Variants in MTHFD1L observed in about 807,000 individuals in gnomAD.
MTHFD1L encodes methylenetetrahydrofolate dehydrogenase (NADP+ dependent) 1 like.
MTHFD1L carries 81 observed loss-of-function variants against 119.5 expected under a neutral mutation model. That is an observed-to-expected ratio of 0.68 (90% CI 0.57 to 0.82). MTHFD1L has a LOEUF of 0.82. Ranked by LOEUF, MTHFD1L falls within the 40% of genes least tolerant of loss-of-function variation. The probability of loss-of-function intolerance (pLI) is 0.00; values close to 1 mark genes in which losing one functional copy is unlikely to be tolerated. For missense variants in MTHFD1L, 1,125 were observed against 1,253.4 expected, an observed-to-expected ratio of 0.90 and a Z score of 1.55; for synonymous variants, 430 against 475.2, an observed-to-expected ratio of 0.90 and a Z score of 1.24.
chr6:151,011,024 T>C (rs889711118), intron 21 of MTHFD1L, among the ~76,000 whole-genome samples: 1 of 152,182 alleles, frequency 6.6e-6, no homozygotes, highest in Non-Finnish European at 1.5e-5. Context: ...ATATGGACAA[T>C]GTCAGCAGGC....
intron 26 of MTHFD1L, among the ~76,000 whole-genome samples, chr6:151,058,229 C>T (rs1790214025): frequency 6.6e-6 from 1 of 152,196 alleles, no homozygotes; most frequent in Admixed American, 6.5e-5. Flanking sequence ...AGCTTCTCAA[C>T]AGAGAGATAA....
At chr6:151,053,753 G>C (rs1789443531) in intron 26 of MTHFD1L, among the ~76,000 whole-genome samples, 1 of 151,802 alleles carries the variant, frequency 6.6e-6, no homozygotes, top group African/African-American at 2.4e-5. Flanking sequence ...CCAGCTACTA[G>C]GGAGGCTGAG....
intron 24 of MTHFD1L, among the ~76,000 whole-genome samples, chr6:151,020,646 G>A (rs755818493): frequency 4.6e-5 from 7 of 152,180 alleles, no homozygotes; most frequent in Non-Finnish European, 1.0e-4. Context: ...TTTATTGTGT[G>A]AAAATGAATG....
chr6:151,024,274 T>G (rs911871994), intron 24 of MTHFD1L, among the ~76,000 whole-genome samples: 4 of 152,166 alleles, frequency 2.6e-5, no homozygotes, highest in African/African-American at 7.2e-5. Flanking sequence ...GCGCGGCGGC[T>G]CATGCCTGTA....
chr6:150,939,269 G>A (rs1792668269), intron 13 of MTHFD1L: 1 of 154,526 alleles, frequency 6.5e-6, no homozygotes, highest in South Asian at 2.0e-4. Context: ...GACACAGAGA[G>A]GATTAGCATG....
chr6:150,980,337 G>A (rs888617247), intron 20 of MTHFD1L, among the ~76,000 whole-genome samples: 6 of 152,062 alleles, frequency 3.9e-5, no homozygotes, highest in Admixed American at 3.9e-4. Context: ...AAGCTCATTC[G>A]TCCCCTCGCT....
At chr6:151,054,180 G>A (rs904389985) in intron 26 of MTHFD1L, among the ~76,000 whole-genome samples, 4 of 151,966 alleles carry the variant, frequency 2.6e-5, no homozygotes, top group Non-Finnish European at 5.9e-5. Context: ...GGCATAAATT[G>A]GAAACTTATA....
intron 13 of MTHFD1L, among the ~76,000 whole-genome samples, chr6:150,941,769 A>C (rs1793164392): frequency 6.6e-6 from 1 of 151,982 alleles, no homozygotes; most frequent in African/African-American, 2.4e-5. Flanking sequence ...GGTGTGGTGG[A>C]GGGTGGTAGT....
intron 19 of MTHFD1L, among the ~76,000 whole-genome samples, chr6:150,966,630 C>G (rs1797256477): frequency 6.6e-6 from 1 of 152,146 alleles, no homozygotes; most frequent in African/African-American, 2.4e-5. Context: ...TCGAGACCAG[C>G]CTGGCCAACA....
At chr6:150,866,134 A>AGCGGGGC in intron 1 of MTHFD1L, 85 bp downstream of exon 1, 1 of 1,430,014 alleles carries the variant, frequency 7.0e-7, no homozygotes, top group African/African-American at 1.5e-5. Flanking sequence ...CGCCGTGGGG[A>AGCGGGGC]GCGGGGCGCG....
intron 6 of MTHFD1L, 81 bp from the exon 7 acceptor site, chr6:150,887,764 G>T: frequency 7.0e-7 from 1 of 1,436,806 alleles, no homozygotes; most frequent in East Asian, 2.5e-5. Context: ...GCCTAAAAGG[G>T]TCTTTTTTTC....
intron 20 of MTHFD1L, among the ~76,000 whole-genome samples, chr6:150,996,792 AC>A: frequency 6.8e-6 from 1 of 147,504 alleles, no homozygotes; most frequent in Non-Finnish European, 1.5e-5. Flanking sequence ...TTGCCTATGG[AC>A]CCCTGAAAGT....
chr6:151,064,602 C>T (rs951346343), intron 26 of MTHFD1L, among the ~76,000 whole-genome samples: 8 of 152,066 alleles, frequency 5.3e-5, no homozygotes, highest in South Asian at 2.1e-4. Flanking sequence ...CATGAGCCGC[C>T]GTGCCCAGCC....
chr6:151,084,130 A>G (rs1239782509), intron 26 of MTHFD1L, among the ~76,000 whole-genome samples: 2 of 152,248 alleles, frequency 1.3e-5, no homozygotes, highest in Non-Finnish European at 1.5e-5. Context: ...TGCCTCCCTC[A>G]GAAGTGTCAC....
chr6:151,080,126 C>T (rs574748287), intron 26 of MTHFD1L, among the ~76,000 whole-genome samples: 9 of 151,968 alleles, frequency 5.9e-5, no homozygotes, highest in African/African-American at 1.7e-4. Flanking sequence ...TTCAGTGAGC[C>T]GAGATTGCGC....
intron 24 of MTHFD1L, among the ~76,000 whole-genome samples, chr6:151,029,210 C>T (rs1784996654): frequency 6.6e-6 from 1 of 151,572 alleles, no homozygotes; most frequent in Non-Finnish European, 1.5e-5. Flanking sequence ...CACCTGAGGT[C>T]AGGAGTTCAA....
chr6:150,917,241 A>G (rs1410746629), intron 8 of MTHFD1L, among the ~76,000 whole-genome samples: 1 of 152,012 alleles, frequency 6.6e-6, no homozygotes, highest in Non-Finnish European at 1.5e-5. Flanking sequence ...AGAGCTTTCT[A>G]GGCCAGGCAT....
intron 7 of MTHFD1L, among the ~76,000 whole-genome samples, chr6:150,892,634 T>TA (rs1783508107): frequency 1.3e-5 from 2 of 152,190 alleles, no homozygotes; most frequent in African/African-American, 2.4e-5. Context: ...TGTCCCCCTC[T>TA]ACCTGGCCTA....
chr6:150,926,038 C>A lies in MTHFD1L; in HGVS notation c.1083-84C>A. The A allele has an allele frequency of 1.7e-6, 2 of 1,178,806 alleles. No individual in the cohort carries two copies. Among genetic ancestry groups the A allele is most frequent in the East Asian group, 2.4e-5 (1 of 40,910 alleles). The allele number at this position is 1,178,806 out of a possible 1,614,324, so 73.0% of individuals were successfully genotyped here. ...GTAATTGCATTGATTTCATCGTTGG[C>A]GTGATGTGTGGCTGTTTTCACTCCA... On this transcript the variant is annotated intron_variant, in intron 10 of 27. Transcript: ENST00000367321. The surrounding 1 kb of genome is among the most constrained non-coding windows in gnomAD (Gnocchi z 4.3).
Sources: gnomAD v4.1 joint callset for allele counts (sites outside exome capture counted in the v4.1 genomes callset) on GRCh38, gnomAD v4.1.1 for gene constraint, Gnocchi (gnomAD v3.1) non-coding constraint, MANE v1.5 for transcripts, NCBI Gene and HGNC (gene_info 2026-07-23, HGNC 2026-07-21) for gene names.